Variants in GRM5 observed in about 807,000 individuals in gnomAD.
The protein encoded by GRM5 is metabotropic glutamate receptor 5.
GRM5 carries 19 observed loss-of-function variants against 83.1 expected under a neutral mutation model. The observed-to-expected ratio is 0.23, with a 90% confidence interval of 0.16 to 0.34. The LOEUF (loss-of-function observed/expected upper bound fraction) is 0.34. Ranked by LOEUF, GRM5 falls within the 10% of genes least tolerant of loss-of-function variation. GRM5 has a pLI of 1.00. For missense variants in GRM5, 1,160 were observed against 1,588.3 expected (o/e 0.73, Z 4.58); for synonymous variants, 675 against 633.6 (o/e 1.07, Z -0.98).
At chr11:88,641,113 C>G (rs144256750) in intron 4 of GRM5, among the ~76,000 whole-genome samples, 1 of 151,990 alleles carries the variant, frequency 6.6e-6, no homozygotes, top group Non-Finnish European at 1.5e-5. Flanking sequence ...CCTCAGGAAG[C>G]TTTTACTCAT....
chr11:89,056,193 T>C (rs1045635180), intron 1 of GRM5, among the ~76,000 whole-genome samples: 1 of 152,212 alleles, frequency 6.6e-6, no homozygotes, highest in Admixed American at 6.5e-5. Context: ...CTGGCATAAA[T>C]GTTTCTCCTG....
chr11:88,763,398 T>A (rs1251274485), intron 3 of GRM5, among the ~76,000 whole-genome samples: 1 of 151,804 alleles, frequency 6.6e-6, no homozygotes, highest in South Asian at 2.1e-4. Flanking sequence ...GTAACAATGG[T>A]TTACAATGCC....
chr11:89,002,879 C>T (rs1469804870), intron 2 of GRM5, among the ~76,000 whole-genome samples: 1 of 152,064 alleles, frequency 6.6e-6, no homozygotes, highest in Non-Finnish European at 1.5e-5. Context: ...AAGTCCTCTT[C>T]TCAGTAAGGC....
chr11:88,891,189 T>G (rs1169439175), intron 2 of GRM5, among the ~76,000 whole-genome samples: 1 of 152,082 alleles, frequency 6.6e-6, no homozygotes, highest in African/African-American at 2.4e-5. Context: ...AGGGTGGCAT[T>G]TAATCAAATT....
At chr11:88,867,613 G>GTTT (rs759731529) in intron 2 of GRM5, among the ~76,000 whole-genome samples, 108 of 151,686 alleles carry the variant, frequency 7.1e-4, no homozygotes, top group Middle Eastern at 3.4e-3. Context: ...TTGTATACAA[G>GTTT]GTCTTTAAAA....
intron 1 of GRM5, among the ~76,000 whole-genome samples, chr11:89,060,279 T>TAC (rs1295456297): frequency 7.3e-6 from 1 of 137,184 alleles, no homozygotes; most frequent in African/African-American, 2.6e-5. Flanking sequence ...TATATATATA[T>TAC]ATATATACAC....
At chr11:88,865,460 G>C (rs1213110884) in intron 2 of GRM5, among the ~76,000 whole-genome samples, 1 of 152,186 alleles carries the variant, frequency 6.6e-6, no homozygotes, top group South Asian at 2.1e-4. Flanking sequence ...AAAAACTCTA[G>C]AAGAAAACCT....
chr11:88,958,673 A>C (rs1938696751), intron 2 of GRM5, among the ~76,000 whole-genome samples: 1 of 152,270 alleles, frequency 6.6e-6, no homozygotes, highest in Admixed American at 6.5e-5. Context: ...CAAACTTTCT[A>C]AGTTTCATAA....
intron 2 of GRM5, among the ~76,000 whole-genome samples, chr11:88,967,951 G>T (rs1422627707): frequency 6.6e-6 from 1 of 152,092 alleles, no homozygotes; most frequent in African/African-American, 2.4e-5. Context: ...AGCAAAAATA[G>T]AGTGACCATC....
intron 2 of GRM5, among the ~76,000 whole-genome samples, chr11:89,034,520 G>T (rs921406351): frequency 4.6e-5 from 7 of 151,712 alleles, no homozygotes; most frequent in African/African-American, 1.5e-4. Context: ...CCATGGCTTT[G>T]TATATATCTG....
At position 88,943,402 on chromosome 11, in the gene GRM5, C is replaced by T. The variant is rs557200901; in HGVS notation, c.662-93247G>A. Among the ~76,000 whole-genome samples, 3 of 152,186 alleles carry T rather than the reference C, an allele frequency of 2.0e-5. No individual in the cohort carries two copies. In the South Asian group the frequency reaches 6.2e-4, roughly 32 times the overall value. On this transcript the variant is annotated intron_variant, in intron 2 of 9. Coordinates refer to ENST00000305447, the MANE Select transcript of GRM5 (RefSeq NM_001143831.3). Reference sequence around the variant, plus strand: ...TTTCAGATAATCATTTTCACCATTTCTTCTACATAGAAATGCTCCCAATTC... The same window carrying T: ...TTTCAGATAATCATTTTCACCATTTTTTCTACATAGAAATGCTCCCAATTC...
At chr11:88,623,791 C>T (rs1360154679) in intron 4 of GRM5, among the ~76,000 whole-genome samples, 4 of 152,188 alleles carry the variant, frequency 2.6e-5, no homozygotes, top group African/African-American at 9.7e-5. Context: ...GAGTTTCCTG[C>T]TGCCTGGAAT....
chr11:89,049,901 T>A (rs1180087519), intron 1 of GRM5, among the ~76,000 whole-genome samples: 1 of 152,206 alleles, frequency 6.6e-6, no homozygotes, highest in East Asian at 1.9e-4. Context: ...ATAATTATTC[T>A]CATGGTCATG....
chr11:88,602,071 A>AT (rs58865828), intron 5 of GRM5, among the ~76,000 whole-genome samples: 130,448 of 151,332 alleles, frequency 0.86, 56,925 homozygotes, highest in Non-Finnish European at 0.94. Context: ...GAGCTCTGAA[A>AT]TTTTTTTTTC....
At chr11:88,698,625 G>A (rs1940956782) in intron 3 of GRM5, among the ~76,000 whole-genome samples, 2 of 152,108 alleles carry the variant, frequency 1.3e-5, no homozygotes, top group South Asian at 4.1e-4. Context: ...CACCATCAAA[G>A]GGTCTGCCTA....
At chr11:88,971,895 C>G (rs541612447) in intron 2 of GRM5, among the ~76,000 whole-genome samples, 2 of 152,054 alleles carry the variant, frequency 1.3e-5, no homozygotes, top group Non-Finnish European at 2.9e-5. Context: ...AGGGAAAATA[C>G]AAGATGATCT....
At chr11:88,837,113 T>A (rs11828260) in intron 3 of GRM5, among the ~76,000 whole-genome samples, 16,079 of 152,158 alleles carry the variant, frequency 0.11, 1,643 homozygotes, top group African/African-American at 0.27. Context: ...TTATTTTTTT[T>A]AAAAAAGAAA....
intron 2 of GRM5, among the ~76,000 whole-genome samples, chr11:88,958,853 T>C (rs1488240013): frequency 6.6e-6 from 1 of 152,198 alleles, no homozygotes; most frequent in Non-Finnish European, 1.5e-5. Flanking sequence ...AATTGTATAT[T>C]TCCATAGAAA....
intron 3 of GRM5, among the ~76,000 whole-genome samples, chr11:88,805,488 C>T (rs1469098072): frequency 2.6e-5 from 4 of 152,240 alleles, no homozygotes; most frequent in African/African-American, 9.6e-5. Context: ...CCACGCACGG[C>T]CCGTATACTT....
Sources: gnomAD v4.1 joint callset for allele counts (sites outside exome capture counted in the v4.1 genomes callset) on GRCh38, gnomAD v4.1.1 for gene constraint, MANE v1.5 for transcripts, NCBI Gene and HGNC (gene_info 2026-07-23, HGNC 2026-07-21) for gene names.